The following TBC1D8 variants were observed in gnomAD, a reference collection of about 807,000 sequenced individuals.
TBC1D8 encodes the protein TBC1 domain family member 8.
Under a neutral mutation model 118.8 loss-of-function variants are expected in TBC1D8, and 65 were observed. The ratio of observed to expected loss-of-function variants is 0.55; its 90% confidence interval spans 0.45 to 0.67. TBC1D8 has a LOEUF of 0.67. TBC1D8 is among the 30% of genes least tolerant of loss of function. The pLI is 0.00. For synonymous variants in TBC1D8, 566 were observed against 595.8 expected (o/e 0.95, Z 0.73); for missense variants, 1,376 against 1,471.2 (o/e 0.94, Z 1.06).
intron 5 of TBC1D8, among the ~76,000 whole-genome samples, chr2:101,044,865 C>T (rs1681603484): frequency 6.6e-6 from 1 of 152,212 alleles, no homozygotes; most frequent in Admixed American, 6.5e-5. Flanking sequence ...TCTCTTGTCT[C>T]AGCCTCCTGA....
intron 8 of TBC1D8, among the ~76,000 whole-genome samples, 159 bp downstream of exon 8, chr2:101,037,373 C>T (rs904634979): frequency 6.6e-6 from 1 of 152,204 alleles, no homozygotes; most frequent in Non-Finnish European, 1.5e-5. Flanking sequence ...CCTCTGACCA[C>T]CTCAGTGGTC....
At chr2:101,140,927 A>T (rs1346223977) in intron 1 of TBC1D8, among the ~76,000 whole-genome samples, 2 of 151,844 alleles carry the variant, frequency 1.3e-5, no homozygotes, top group Admixed American at 6.6e-5. Flanking sequence ...ATGCCTGGCT[A>T]ATTTTTGTAT....
chr2:101,088,297 C>CT (rs377456816), intron 2 of TBC1D8, among the ~76,000 whole-genome samples: 15 of 149,234 alleles, frequency 1.0e-4, no homozygotes, highest in East Asian at 5.9e-4. Flanking sequence ...TCTCTCTTTT[C>CT]TTTTTTTTTT....
chr2:101,129,583 C>CCA (rs1253401270), intron 1 of TBC1D8, among the ~76,000 whole-genome samples: 1 of 152,106 alleles, frequency 6.6e-6, no homozygotes, highest in African/African-American at 2.4e-5. Context: ...CCAGGAACAC[C>CCA]CACATTTCAG....
Position 101,033,557 on chromosome 2 carries a change from A to C in TBC1D8, c.1805T>G (p.Ile602Ser). The change falls in exon 10 of 20, where the codon ATT becomes AGT. Residue 602 changes from isoleucine to serine, a missense_variant. Coordinates refer to ENST00000409318, the MANE Select transcript of TBC1D8 (RefSeq NM_001330348.2). ...LTAYAHRNPK[I>S]GYCQSMNILT... ...CACCCCTTTCACCTGGCAGTATCCA[A>C]TCTTGGGGTTCCGGTGGGCATAGGC... is the stretch of plus-strand genomic sequence containing the variant. The C allele has an allele frequency of 6.2e-7, 1 of 1,613,806 alleles. No individual in the cohort carries two copies. The highest frequency in any genetic ancestry group is 8.5e-7 in the Non-Finnish European group (1 of 1,179,836).
intron 1 of TBC1D8, among the ~76,000 whole-genome samples, chr2:101,138,756 C>T (rs1236460753): frequency 6.6e-6 from 1 of 152,110 alleles, no homozygotes; most frequent in Non-Finnish European, 1.5e-5. Flanking sequence ...TGTTCAACAG[C>T]CCTGGAGCTC....
In TBC1D8 at chr2:101,033,536, C is replaced by A; in HGVS notation, c.1818+8G>T. 6.2e-7 allele frequency: 1 copy of A among 1,613,888 alleles called. No homozygotes were observed. The highest frequency in any genetic ancestry group is 1.1e-5 in the South Asian group (1 of 91,068). ...GACTCTCTGCGCCCCAGAGCACACC[C>A]CTTTCACCTGGCAGTATCCAATCTT... On this transcript the variant is annotated splice_region_variant and intron_variant, in intron 10 of 19. Coordinates refer to ENST00000409318, the MANE Select transcript of TBC1D8 (RefSeq NM_001330348.2).
intron 2 of TBC1D8, among the ~76,000 whole-genome samples, chr2:101,089,401 C>T (rs574645493): frequency 2.6e-4 from 39 of 150,960 alleles, no homozygotes; most frequent in African/African-American, 3.7e-4. Context: ...TTCTGGAAGA[C>T]GAGCATTTAT....
chr2:101,126,524 G>T (rs2104246117), intron 1 of TBC1D8, among the ~76,000 whole-genome samples: 1 of 152,268 alleles, frequency 6.6e-6, no homozygotes, highest in African/African-American at 2.4e-5. Context: ...GTTACCAACA[G>T]CCTGGCAAAT....
intron 5 of TBC1D8, 116 bp from the exon 6 acceptor site, chr2:101,040,501 G>A (rs977364499): frequency 1.5e-5 from 16 of 1,067,112 alleles, no homozygotes; most frequent in East Asian, 1.0e-4. Flanking sequence ...ACAGAGTCTC[G>A]CTCTGTCGCC....
At chr2:101,048,154 C>T (rs1681827233) in intron 5 of TBC1D8, among the ~76,000 whole-genome samples, 1 of 152,220 alleles carries the variant, frequency 6.6e-6, no homozygotes, top group South Asian at 2.1e-4. Flanking sequence ...CCTGTGAGCC[C>T]TCTAGCAACT....
chr2:101,032,572 G>A (rs139203182), intron 10 of TBC1D8, 187 bp from the exon 11 acceptor site: 58 of 536,282 alleles, frequency 1.1e-4, no homozygotes, highest in African/African-American at 9.6e-4. Flanking sequence ...CACAGGACAC[G>A]CCCAGCTGAG....
Position 101,007,972 on chromosome 2 carries a change from G to A in TBC1D8, c.3317C>T (p.Ser1106Leu). Reference sequence around the variant, plus strand: ...GACTAATGACTGTTCAGTCAGAAGTGAAGCTAAAATATGTTCAAGGGAGAC... The same window carrying A: ...GACTAATGACTGTTCAGTCAGAAGTAAAGCTAAAATATGTTCAAGGGAGAC... Reference protein sequence around the residue: ...WTVSLEHILASLLTEQSLVNF... With the variant: ...WTVSLEHILALLLTEQSLVNF... The change falls in exon 20 of 20, where the codon TCA becomes TTA. Residue 1106 changes from serine to leucine, a missense_variant. Coordinates refer to ENST00000409318, the MANE Select transcript of TBC1D8 (RefSeq NM_001330348.2). 6.2e-7 allele frequency: 1 copy of A among 1,614,066 alleles called. No homozygotes were observed. The highest frequency in any genetic ancestry group is 8.5e-7 in the Non-Finnish European group (1 of 1,179,908).
intron 9 of TBC1D8, among the ~76,000 whole-genome samples, chr2:101,034,448 C>A (rs1308750781): frequency 1.3e-5 from 2 of 152,220 alleles, no homozygotes; most frequent in Non-Finnish European, 2.9e-5. Flanking sequence ...ACGGCGCCCA[C>A]ATGCAACTCT....
chr2:101,059,706 C>A (rs1682651178), intron 2 of TBC1D8, among the ~76,000 whole-genome samples, 167 bp from the exon 3 acceptor site: 1 of 152,162 alleles, frequency 6.6e-6, no homozygotes, highest in South Asian at 2.1e-4. Flanking sequence ...TTTGGGAGAC[C>A]AAGGCAGGCG....
intron 1 of TBC1D8, among the ~76,000 whole-genome samples, chr2:101,126,093 A>C (rs1678342067): frequency 6.6e-6 from 1 of 152,180 alleles, no homozygotes; most frequent in African/African-American, 2.4e-5. Context: ...GTGTCTGATG[A>C]AGCCTCAGGA....
chr2:101,036,516 A>G (rs1023002740), intron 8 of TBC1D8, among the ~76,000 whole-genome samples: 1 of 151,344 alleles, frequency 6.6e-6, no homozygotes, highest in African/African-American at 2.4e-5. Flanking sequence ...GGTAAGGGGG[A>G]CGCTGGGGGA....
Position 101,073,056 on chromosome 2 carries a change from A to G in TBC1D8, c.284-13517T>C, listed in dbSNP as rs531302909. Among the ~76,000 whole-genome samples, 3 of 152,296 alleles carry G rather than the reference A, an allele frequency of 2.0e-5. No individual in the cohort carries two copies. The South Asian group carries it at 6.2e-4, about 32-fold the overall frequency. ...TGTTCCATTTATAAAGCACAGGCAG[A>G]ATACATTTACCATAGTTCTTAAGGG... is the stretch of plus-strand genomic sequence containing the variant. On this transcript the variant is annotated intron_variant, in intron 2 of 19. Coordinates refer to ENST00000409318, the MANE Select transcript of TBC1D8 (RefSeq NM_001330348.2).
chr2:101,033,640 T>C lies in TBC1D8; in HGVS notation c.1722A>G (p.Pro574=). 6.2e-7 allele frequency: 1 copy of C among 1,613,964 alleles called. No individual in the cohort carries two copies. The highest frequency in any genetic ancestry group is 2.2e-5 in the East Asian group (1 of 44,880). Residue 574 remains proline (P), a synonymous_variant, in exon 10 of 20, where the codon CCA becomes CCG. Coordinates refer to ENST00000409318, the MANE Select transcript of TBC1D8 (RefSeq NM_001330348.2). ...TTTCGTTCTGGAAGGCGGGGTGCTC[T>C]GGCAGGGAGCGGTGCAGGTCTCGTT... ...EIERDLHRSL[P]EHPAFQNETG... is the part of the protein sequence containing the mutation.
Sources: gnomAD v4.1 joint callset for allele counts (sites outside exome capture counted in the v4.1 genomes callset) on GRCh38, gnomAD v4.1.1 for gene constraint, MANE v1.5 for transcripts, NCBI Gene and HGNC (gene_info 2026-07-23, HGNC 2026-07-21) for gene names.